The following KIAA1755 variants were observed in gnomAD, a reference collection of about 807,000 sequenced individuals.
KIAA1755 encodes the protein uncharacterized protein KIAA1755.
KIAA1755 carries 68 observed loss-of-function variants against 91.7 expected under a neutral mutation model. The ratio of observed to expected loss-of-function variants is 0.74; its 90% CI spans 0.61 to 0.91. KIAA1755 has a LOEUF of 0.91. Among genes scored for constraint, KIAA1755 ranks in the 40% least tolerant of loss-of-function variants. The pLI, the probability that KIAA1755 is intolerant of heterozygous loss-of-function variation, is 0.00. For missense variants in KIAA1755, 1,535 were observed against 1,494.4 expected, an observed-to-expected ratio of 1.03 and a Z score of -0.45; for synonymous variants, 610 against 604.6, an observed-to-expected ratio of 1.01 and a Z score of -0.13.
chr20:38,234,706 C>G (rs1203636066), intron 4 of KIAA1755, among the ~76,000 whole-genome samples: 1 of 152,196 alleles, frequency 6.6e-6, no homozygotes, highest in African/African-American at 2.4e-5. Flanking sequence ...CACACTGGGA[C>G]ACAGTAGTCA....
chr20:38,247,314 C>T (rs1407768465), intron 1 of KIAA1755, among the ~76,000 whole-genome samples: 2 of 152,258 alleles, frequency 1.3e-5, no homozygotes, highest in African/African-American at 2.4e-5. Flanking sequence ...CCTCCAGCCT[C>T]GCCACCCCTC....
chr20:38,224,486 A>G (rs542313584), intron 8 of KIAA1755, among the ~76,000 whole-genome samples: 2 of 152,344 alleles, frequency 1.3e-5, no homozygotes, highest in Admixed American at 6.5e-5. Context: ...AAAGTAAATA[A>G]GCCACCATGT....
At chr20:38,239,134 C>T (rs1393854524) in intron 4 of KIAA1755, among the ~76,000 whole-genome samples, 2 of 152,266 alleles carry the variant, frequency 1.3e-5, no homozygotes, top group Non-Finnish European at 2.9e-5. Flanking sequence ...CAGTGCTCTC[C>T]TTGGGGTCAG....
intron 3 of KIAA1755, 99 bp downstream of exon 3, chr20:38,240,483 A>G: frequency 7.9e-7 from 1 of 1,260,586 alleles, no homozygotes; most frequent in South Asian, 2.4e-5. Context: ...AAGCTGAGCC[A>G]GCCCAGGTGG....
In KIAA1755 at chr20:38,219,787, T is replaced by C. The variant is rs751492313; in HGVS notation, c.2418-19A>G. ...ATGGCTCCTGGGAGGTGGGCGGAGGTGAGAAAAGGCCTCTGTTGCCCTCTT... is the reference window on the plus strand; with the variant it reads ...ATGGCTCCTGGGAGGTGGGCGGAGGCGAGAAAAGGCCTCTGTTGCCCTCTT... On this transcript the variant is annotated intron_variant, in intron 10 of 13. Coordinates refer to ENST00000279024, the MANE Select transcript of KIAA1755 (RefSeq NM_001029864.2). 10 of 1,613,492 alleles carry C rather than the reference T, an allele frequency of 6.2e-6. No individual in the cohort carries two copies. In the South Asian group the frequency reaches 7.7e-5, roughly 12 times the overall value.
chr20:38,228,490 C>A (rs1461905883), intron 5 of KIAA1755, among the ~76,000 whole-genome samples: 1 of 152,210 alleles, frequency 6.6e-6, no homozygotes, highest in South Asian at 2.1e-4. Context: ...CCTACTATTC[C>A]TAACTCTAGC....
chr20:38,230,103 T>G (rs1427047289), intron 5 of KIAA1755, among the ~76,000 whole-genome samples: 1 of 152,170 alleles, frequency 6.6e-6, no homozygotes, highest in African/African-American at 2.4e-5. Context: ...AAGACTGCCC[T>G]GGCTAGGGGC....
At position 38,213,231 on chromosome 20, in the gene KIAA1755, G is replaced by A. The variant is rs758714376; in HGVS notation, c.3414C>T (p.Asp1138=). The change falls in exon 14 of 14, where the codon GAC becomes GAT. Residue 1138 remains aspartate (D), a synonymous_variant. Transcript: ENST00000279024. ...QEAGQAAEAE[D]GKGSHKLPDP... is the part of the protein sequence containing the mutation. ...CAGGCAGCTTGTGGGAGCCTTTGCC[G>A]TCTTCAGCCTCTGCAGCCTGGCCAG... is the stretch of plus-strand genomic sequence containing the variant. 4.0e-5 allele frequency: 65 copies of A among 1,613,116 alleles called. No individual in the cohort carries two copies. The highest frequency in any genetic ancestry group is 2.5e-4 in the South Asian group (23 of 91,090).
At chr20:38,228,108 C>A in intron 6 of KIAA1755, 39 bp downstream of exon 6, 1 of 1,514,976 alleles carries the variant, frequency 6.6e-7, no homozygotes, top group Non-Finnish European at 8.9e-7. Context: ...TGGTGGCTCC[C>A]AGGACTTACT....
chr20:38,240,097 T>C (rs1325399639), intron 3 of KIAA1755, among the ~76,000 whole-genome samples: 1 of 152,072 alleles, frequency 6.6e-6, no homozygotes, highest in East Asian at 1.9e-4. Context: ...CTTCCTTCCT[T>C]CCTTCCTTCC....
chr20:38,247,191 C>T (rs547639494), intron 1 of KIAA1755, among the ~76,000 whole-genome samples: 1 of 152,190 alleles, frequency 6.6e-6, no homozygotes, highest in Non-Finnish European at 1.5e-5. Flanking sequence ...CAAACCAGAC[C>T]TCATCAGTCT....
chr20:38,217,534 G>C (rs998011010), intron 12 of KIAA1755, 60 bp from the exon 13 acceptor site: 2 of 1,289,160 alleles, frequency 1.6e-6, no homozygotes, highest in Admixed American at 4.1e-5. Context: ...GCCTCCCTCG[G>C]AGGTCAGCAA....
chr20:38,241,448 A>G lies in KIAA1755; in HGVS notation c.683T>C (p.Leu228Pro). The change falls in exon 3 of 14, where the codon CTT becomes CCT. Residue 228 changes from leucine to proline, a missense_variant. Transcript: ENST00000279024. ...HQASSPDNQV[L>P]PAQSLAKGKG... The stretch of plus-strand genomic sequence containing the variant: ...ACCCTTGGCCAAACTCTGGGCAGGA[A>G]GCACCTGGTTGTCTGGGGAGCTGGC... 4 of 1,614,198 alleles carry G rather than the reference A, an allele frequency of 2.5e-6. No homozygotes were observed. The East Asian group carries it at 8.9e-5, about 36-fold the overall frequency.
At chr20:38,244,081 G>C (rs1387803305) in intron 2 of KIAA1755, among the ~76,000 whole-genome samples, 1 of 152,120 alleles carries the variant, frequency 6.6e-6, no homozygotes, top group Non-Finnish European at 1.5e-5. Flanking sequence ...ACAGATATTT[G>C]CCTATCATTA....
chr20:38,229,083 G>A (rs528319227), intron 5 of KIAA1755, among the ~76,000 whole-genome samples: 4 of 152,132 alleles, frequency 2.6e-5, no homozygotes, highest in African/African-American at 7.2e-5. Context: ...AGCACCCTCG[G>A]CCAGTCTAAT....
Position 38,241,901 on chromosome 20 carries a change from T to C in KIAA1755, c.230A>G (p.His77Arg). 6.2e-7 allele frequency: 1 copy of C among 1,613,422 alleles called. No individual in the cohort carries two copies. The highest frequency in any genetic ancestry group is 8.5e-7 in the Non-Finnish European group (1 of 1,179,906). The change falls in exon 3 of 14, where the codon CAC becomes CGC. Residue 77 changes from histidine to arginine, a missense_variant. By Grantham distance (29) the His-to-Arg change is conservative. Transcript: ENST00000279024. ...CAPYSHCLFL[H>R]EGWPLCLRDE... is the part of the protein sequence containing the mutation. Reference sequence around the variant, plus strand: ...CCTCAGACAGAGTGGCCAGCCCTCGTGTAAGAAGAGGCAGTGTGAGTAGGG... The same window carrying C: ...CCTCAGACAGAGTGGCCAGCCCTCGCGTAAGAAGAGGCAGTGTGAGTAGGG...
intron 1 of KIAA1755, 131 bp downstream of exon 1, chr20:38,260,367 C>A (rs1307423039): frequency 2.5e-6 from 4 of 1,593,152 alleles, no homozygotes; most frequent in Admixed American, 1.7e-5. Flanking sequence ...GTAAGCACAA[C>A]CCTGCCAAGG....
chr20:38,249,183 C>A (rs183516460), intron 1 of KIAA1755, among the ~76,000 whole-genome samples: 1 of 152,174 alleles, frequency 6.6e-6, no homozygotes, highest in African/African-American at 2.4e-5. Flanking sequence ...GTCAGAACCA[C>A]CATTTTTCTG....
In KIAA1755 at chr20:38,213,496, T is replaced by G; in HGVS notation, c.3149A>C (p.Lys1050Thr). The change falls in exon 14 of 14, where the codon AAG becomes ACG. Residue 1050 changes from lysine to threonine, a missense_variant. Transcript: ENST00000279024. ...TGGGCAAGAGCTGTGGGTCAGTGCC[T>G]TCTCCAGGAGCATCCGGATCTCCTC... ...RHEEIRMLLE[K>T]ALTHSSCPEA... 1.2e-6 allele frequency: 2 copies of G among 1,609,060 alleles called. No homozygotes were observed. The highest frequency in any genetic ancestry group is 1.7e-6 in the Non-Finnish European group (2 of 1,178,066).
Sources: allele counts gnomAD v4.1 joint callset (sites outside exome capture counted in the v4.1 genomes callset), GRCh38; gene constraint gnomAD v4.1.1; transcripts MANE v1.5; gene names NCBI Gene and HGNC (gene_info 2026-07-23, HGNC 2026-07-21).